The following CTNNA2 variants were observed in gnomAD, a reference collection of about 807,000 sequenced individuals.
CTNNA2 encodes the protein catenin alpha-2.
CTNNA2 carries 42 observed loss-of-function variants against 101.0 expected under a neutral mutation model. The ratio of observed to expected loss-of-function variants is 0.42; its 90% CI spans 0.32 to 0.54. The LOEUF is 0.54. Ranked by LOEUF, CTNNA2 falls within the 20% of genes least tolerant of loss-of-function variation. The pLI is 0.14. For synonymous variants in CTNNA2, 450 were observed against 456.4 expected, an observed-to-expected ratio of 0.99 and a Z score of 0.18; for missense variants, 871 against 1,223.1, an observed-to-expected ratio of 0.71 and a Z score of 4.29.
intron 1 of CTNNA2, among the ~76,000 whole-genome samples, chr2:79,569,162 A>C (rs1312037434): frequency 1.3e-5 from 2 of 152,162 alleles, no homozygotes; most frequent in East Asian, 3.8e-4. Flanking sequence ...AAACACTATT[A>C]TTGCTTCTTT....
upstream of CTNNA2, among the ~76,000 whole-genome samples, chr2:79,511,038 C>T (rs1487186652): frequency 6.6e-6 from 1 of 152,148 alleles, no homozygotes; most frequent in Non-Finnish European, 1.5e-5. Context: ...CACTCTTTGG[C>T]CTGTAGTTTT....
chr2:79,645,332 T>C (rs889172523), intron 1 of CTNNA2, among the ~76,000 whole-genome samples: 1 of 152,178 alleles, frequency 6.6e-6, no homozygotes, highest in African/African-American at 2.4e-5. Context: ...TACTGTTTTA[T>C]ACTGCAGTTC....
chr2:79,311,291 C>G (rs1180003255), intron 2 of CTNNA2, among the ~76,000 whole-genome samples: 1 of 151,814 alleles, frequency 6.6e-6, no homozygotes, highest in Non-Finnish European at 1.5e-5. Flanking sequence ...CGCCAGTAGT[C>G]CCAGCTACTC....
chr2:80,279,752 G>T (rs1375317792), intron 7 of CTNNA2, among the ~76,000 whole-genome samples: 1 of 152,142 alleles, frequency 6.6e-6, no homozygotes. Flanking sequence ...GCCCAAGTGA[G>T]AGGCAGTGGT....
At chr2:80,347,838 C>CTTT (rs778989197) in intron 7 of CTNNA2, among the ~76,000 whole-genome samples, 22,390 of 146,316 alleles carry the variant, frequency 0.15, 2,073 homozygotes, top group East Asian at 0.34. Context: ...TTTTTCTTTT[C>CTTT]TTTTCTTTTT....
chr2:80,528,373 T>C (rs1261849320), intron 9 of CTNNA2, among the ~76,000 whole-genome samples: 2 of 152,130 alleles, frequency 1.3e-5, no homozygotes, highest in African/African-American at 4.8e-5. Flanking sequence ...ATTTTTTGTA[T>C]TTTTAGTAGG....
At chr2:80,110,575 T>A (rs1417162931) in intron 7 of CTNNA2, among the ~76,000 whole-genome samples, 1 of 152,148 alleles carries the variant, frequency 6.6e-6, no homozygotes, top group Non-Finnish European at 1.5e-5. Context: ...TCATCAGGGT[T>A]TTGTTTATAG....
chr2:79,619,504 T>C (rs1678857274), intron 1 of CTNNA2, among the ~76,000 whole-genome samples: 1 of 152,248 alleles, frequency 6.6e-6, no homozygotes, highest in Non-Finnish European at 1.5e-5. Flanking sequence ...ATTTTATTAC[T>C]TTGCTATTTT....
chr2:79,780,399 T>C (rs958811887), intron 3 of CTNNA2, among the ~76,000 whole-genome samples: 27 of 152,204 alleles, frequency 1.8e-4, no homozygotes, highest in Admixed American at 1.0e-3. Context: ...CTACCAGACA[T>C]CTGAGGAACT....
chr2:80,602,248 A>C (rs1254742484), intron 15 of CTNNA2, among the ~76,000 whole-genome samples: 1 of 152,052 alleles, frequency 6.6e-6, no homozygotes, highest in Non-Finnish European at 1.5e-5. Context: ...CGGTGTAATC[A>C]AAAAGACATG....
chr2:79,311,042 T>C (rs13418113), intron 2 of CTNNA2, among the ~76,000 whole-genome samples: 1 of 151,954 alleles, frequency 6.6e-6, no homozygotes, highest in East Asian at 1.9e-4. Flanking sequence ...TTGCATATGT[T>C]GATTAACTAA....
At chr2:79,282,229 C>T (rs1675408494) in intron 2 of CTNNA2, among the ~76,000 whole-genome samples, 1 of 150,794 alleles carries the variant, frequency 6.6e-6, no homozygotes, top group African/African-American at 2.4e-5. Flanking sequence ...TCTTTATAAT[C>T]TTCTTTATAA....
intron 3 of CTNNA2, among the ~76,000 whole-genome samples, chr2:79,783,140 G>A (rs570134935): frequency 2.0e-5 from 3 of 152,262 alleles, no homozygotes; most frequent in Non-Finnish European, 4.4e-5. Flanking sequence ...GCTGATGGAG[G>A]TTCTTTAACT....
chr2:79,863,076 G>C (rs562492130), intron 4 of CTNNA2, among the ~76,000 whole-genome samples: 1 of 152,014 alleles, frequency 6.6e-6, no homozygotes, highest in Non-Finnish European at 1.5e-5. Context: ...CCGTTTTGAA[G>C]GTTGCATGAT....
chr2:79,593,889 T>TG (rs1558757285), intron 1 of CTNNA2, among the ~76,000 whole-genome samples: 2 of 122,342 alleles, frequency 1.6e-5, no homozygotes, highest in African/African-American at 6.1e-5. Flanking sequence ...AGTTTTTTTT[T>TG]TTTTTTTTTT....
At chr2:79,470,163 A>G (rs777404360) in intron 4 of CTNNA2, among the ~76,000 whole-genome samples, 9 of 152,210 alleles carry the variant, frequency 5.9e-5, no homozygotes, top group Admixed American at 1.3e-4. Flanking sequence ...AAGTGAATAC[A>G]CATCAGATTA....
chr2:79,582,229 A>G (rs1352877561), intron 1 of CTNNA2, among the ~76,000 whole-genome samples: 2 of 152,366 alleles, frequency 1.3e-5, no homozygotes, highest in East Asian at 3.9e-4. Context: ...GTTAACATGT[A>G]AAACCTTAGA....
At chr2:79,189,305 G>A (rs979364035) in intron 1 of CTNNA2, among the ~76,000 whole-genome samples, 3 of 152,066 alleles carry the variant, frequency 2.0e-5, no homozygotes, top group Admixed American at 1.3e-4. Flanking sequence ...CGTTCTAGAT[G>A]TGTACCTATT....
At chr2:79,956,218 G>A (rs1689211948) in intron 7 of CTNNA2, among the ~76,000 whole-genome samples, 1 of 151,982 alleles carries the variant, frequency 6.6e-6, no homozygotes, top group Admixed American at 6.6e-5. Context: ...TACACACTGA[G>A]ACTCCAGAAA....
Sources: gnomAD v4.1 joint callset for allele counts (sites outside exome capture counted in the v4.1 genomes callset) on GRCh38, gnomAD v4.1.1 for gene constraint, MANE v1.5 for transcripts, NCBI Gene and HGNC (gene_info 2026-07-23, HGNC 2026-07-21) for gene names.